MGAT4C: variants seen among roughly 807,000 people sequenced by gnomAD.
MGAT4C encodes the protein MGAT4 family member C, also known as alpha-1,3-mannosyl-glycoprotein 4-beta-N-acetylglucosaminyltransferase C.
Under a neutral mutation model 40.1 loss-of-function variants are expected in MGAT4C, and 19 were observed. The observed-to-expected ratio is 0.47, with a 90% CI of 0.33 to 0.70. MGAT4C has a LOEUF of 0.70. MGAT4C is among the 30% of genes least tolerant of loss of function. The probability of loss-of-function intolerance (pLI) is 0.02; values close to 1 mark genes in which losing one functional copy is unlikely to be tolerated. For missense variants in MGAT4C, 491 were observed against 563.2 expected, an observed-to-expected ratio of 0.87 and a Z score of 1.30; for synonymous variants, 181 against 187.1, an observed-to-expected ratio of 0.97 and a Z score of 0.27.
chr12:86,011,681 A>G (rs933383062), intron 2 of MGAT4C: 11 of 228,030 alleles, frequency 4.8e-5, no homozygotes, highest in Non-Finnish European at 7.3e-5. Flanking sequence ...ATCCATAGAC[A>G]CTGTAAAAAC....
At chr12:86,161,370 A>G (rs1032027894) in intron 1 of MGAT4C, among the ~76,000 whole-genome samples, 1 of 152,010 alleles carries the variant, frequency 6.6e-6, no homozygotes, top group Non-Finnish European at 1.5e-5. Context: ...ACCTACAACC[A>G]TTCTTTGACA....
chr12:86,593,657 C>T (rs552090298), intron 2 of MGAT4C, among the ~76,000 whole-genome samples: 13 of 152,112 alleles, frequency 8.5e-5, no homozygotes, highest in Non-Finnish European at 1.8e-4. Flanking sequence ...TGTTTAACTT[C>T]CATATACTTG....
chr12:86,054,718 A>G (rs981003556), intron 1 of MGAT4C, among the ~76,000 whole-genome samples: 4 of 130,806 alleles, frequency 3.1e-5, no homozygotes, highest in African/African-American at 1.0e-4. Flanking sequence ...AAATTAGCTT[A>G]AAAAAACAAA....
intron 2 of MGAT4C, among the ~76,000 whole-genome samples, chr12:86,621,780 A>G (rs1850269718): frequency 1.3e-5 from 2 of 152,198 alleles, no homozygotes; most frequent in Admixed American, 1.3e-4. Flanking sequence ...GCCCAGCTGC[A>G]ACTAAGTTGA....
intron 2 of MGAT4C, among the ~76,000 whole-genome samples, chr12:86,570,281 G>C (rs1436766967): frequency 6.8e-6 from 1 of 147,400 alleles, no homozygotes; most frequent in Non-Finnish European, 1.5e-5. Context: ...ATATTTAAAT[G>C]TCATGCTGCA....
intron 2 of MGAT4C, among the ~76,000 whole-genome samples, chr12:86,471,626 A>G (rs1957759292): frequency 6.6e-6 from 1 of 152,124 alleles, no homozygotes; most frequent in Non-Finnish European, 1.5e-5. Flanking sequence ...GTTCTAGCCC[A>G]TAAAATTAAG....
At position 85,960,120 on chromosome 12, in the gene MGAT4C, C is replaced by T. The variant is rs1267412893; in HGVS notation, c.*19169G>A. On this transcript the variant is annotated 3_prime_UTR_variant, in exon 5 of 5. Transcript: ENST00000611864. ...TCGCCTTTTCAGTAATTTTATTTTT[C>T]GGTCTATGGTGCCCACATTGTGTCA... The T allele has an allele frequency of 6.6e-6, 1 of 151,884 alleles. No homozygotes were observed. The highest frequency in any genetic ancestry group is 1.5e-5 in the Non-Finnish European group (1 of 67,912). The allele number at this position is 151,884 out of a possible 1,614,324, so 9.4% of individuals were successfully genotyped here. A position where few individuals can be genotyped will look rare whatever the true frequency, so the allele number is the denominator to read the frequency against.
At chr12:86,455,301 T>G (rs1957491268) in intron 2 of MGAT4C, among the ~76,000 whole-genome samples, 1 of 152,128 alleles carries the variant, frequency 6.6e-6, no homozygotes, top group Non-Finnish European at 1.5e-5. Context: ...GTGTATATAC[T>G]AATAAATTAA....
At chr12:86,082,432 C>A (rs1398732181) in intron 1 of MGAT4C, among the ~76,000 whole-genome samples, 1 of 152,208 alleles carries the variant, frequency 6.6e-6, no homozygotes, top group South Asian at 2.1e-4. Flanking sequence ...AATTGGTAGG[C>A]GACAATTCAT....
At chr12:86,676,011 A>C (rs1964389776) in intron 2 of MGAT4C, among the ~76,000 whole-genome samples, 1 of 152,024 alleles carries the variant, frequency 6.6e-6, no homozygotes, top group African/African-American at 2.4e-5. Flanking sequence ...GTTTATAAAT[A>C]AATACGAAAA....
At chr12:86,164,321 G>A (rs1885943840) in intron 1 of MGAT4C, among the ~76,000 whole-genome samples, 2 of 152,282 alleles carry the variant, frequency 1.3e-5, no homozygotes, top group African/African-American at 4.8e-5. Context: ...ATTAGGTGAT[G>A]TCCAATATCT....
chr12:86,784,265 G>A (rs1951894348), intron 1 of MGAT4C, among the ~76,000 whole-genome samples: 1 of 152,054 alleles, frequency 6.6e-6, no homozygotes, highest in Admixed American at 6.6e-5. Context: ...AAAGAGATAT[G>A]GAGTGATGCA....
intron 2 of MGAT4C, among the ~76,000 whole-genome samples, chr12:86,025,687 A>G (rs1474895382): frequency 6.6e-6 from 1 of 151,726 alleles, no homozygotes; most frequent in Non-Finnish European, 1.5e-5. Context: ...GTCTACATGC[A>G]TTATCTATTT....
chr12:86,687,777 T>A (rs543681302), intron 2 of MGAT4C, among the ~76,000 whole-genome samples: 1 of 152,250 alleles, frequency 6.6e-6, no homozygotes, highest in South Asian at 2.1e-4. Flanking sequence ...TTAGAATGGG[T>A]GTGATGTGGT....
chr12:86,554,133 T>TACAC lies in MGAT4C; in HGVS notation c.-228-118872_-228-118869dup, dbSNP rs5799783. The stretch of plus-strand genomic sequence containing the variant: ...CAGCACGTAAACACATACACATACA[T>TACAC]ACACACACACACACACACACACACA... On this transcript the variant is annotated intron_variant, in intron 2 of 7. Transcript: ENST00000548651. Among the ~76,000 whole-genome samples, 422 of 149,990 alleles carry TACAC rather than the reference T, an allele frequency of 2.8e-3. 1 individual carries two copies. The highest frequency in any genetic ancestry group is 9.1e-3 in the African/African-American group (373 of 40,914).
chr12:86,756,719 A>G (rs1020802218), intron 1 of MGAT4C, among the ~76,000 whole-genome samples: 5 of 152,166 alleles, frequency 3.3e-5, no homozygotes, highest in African/African-American at 1.2e-4. Flanking sequence ...TCGCCACACC[A>G]CATTCCCTAA....
chr12:86,728,700 G>T (rs187877299), intron 1 of MGAT4C, among the ~76,000 whole-genome samples: 1 of 152,016 alleles, frequency 6.6e-6, no homozygotes, highest in African/African-American at 2.4e-5. Context: ...CAAAAGAAAT[G>T]AATATTTATT....
At position 86,158,814 on chromosome 12, in the gene MGAT4C, C is replaced by A. The variant is rs557432307; in HGVS notation, c.-57+97425G>T. Among the ~76,000 whole-genome samples the A allele has an allele frequency of 5.3e-5, 8 of 152,134 alleles. No homozygotes were observed. The South Asian group carries it at 1.7e-3, about 32-fold the overall frequency. ...CTTTGTGGCTATTGTAAGTGGGATTCTTTTCTTGATTTCACTCTCAGCCTA... is the reference window on the plus strand; with the variant it reads ...CTTTGTGGCTATTGTAAGTGGGATTATTTTCTTGATTTCACTCTCAGCCTA... On this transcript the variant is annotated intron_variant, in intron 1 of 4. Transcript: ENST00000611864.
intron 2 of MGAT4C, among the ~76,000 whole-genome samples, chr12:86,551,435 G>A (rs1357457894): frequency 3.3e-5 from 5 of 152,172 alleles, no homozygotes; most frequent in African/African-American, 1.2e-4. Context: ...GGACATCTCT[G>A]GCAGACATTC....
Sources: gnomAD v4.1 joint callset for allele counts (sites outside exome capture counted in the v4.1 genomes callset) on GRCh38, gnomAD v4.1.1 for gene constraint, MANE v1.5 for transcripts, NCBI Gene and HGNC (gene_info 2026-07-23, HGNC 2026-07-21) for gene names.